ODF2L: variants seen among roughly 807,000 people sequenced by gnomAD.
The protein encoded by ODF2L is outer dense fiber of sperm tails 2 like.
In ODF2L, 76 loss-of-function variants were observed where a neutral mutation model predicts 86.3. The ratio of observed to expected loss-of-function variants is 0.88; its 90% confidence interval spans 0.73 to 1.07. ODF2L has a LOEUF of 1.07. Among genes scored for constraint, ODF2L ranks in the 50% least tolerant of loss-of-function variants. The pLI is 0.00. For missense variants in ODF2L, 748 were observed against 717.4 expected, an observed-to-expected ratio of 1.04 and a Z score of -0.49; for synonymous variants, 241 against 231.3, an observed-to-expected ratio of 1.04 and a Z score of -0.38.
intron 1 of ODF2L, among the ~76,000 whole-genome samples, chr1:86,391,276 C>A (rs962404673): frequency 2.0e-5 from 3 of 152,112 alleles, no homozygotes; most frequent in Non-Finnish European, 4.4e-5. Flanking sequence ...AAGCAATCTA[C>A]AATTTCAATG....
downstream of ODF2L, chr1:86,348,964 C>T: frequency 1.5e-6 from 2 of 1,318,972 alleles, no homozygotes; most frequent in Non-Finnish European, 1.0e-6. Context: ...AACATATATA[C>T]AATAACTAGA....
chr1:86,378,436 C>T (rs1024569125), intron 7 of ODF2L, among the ~76,000 whole-genome samples: 49 of 152,262 alleles, frequency 3.2e-4, no homozygotes, highest in African/African-American at 1.2e-3. Flanking sequence ...AAGTCATTTC[C>T]ACATTTTTGG....
At chr1:86,366,232 C>T (rs190819753) in intron 11 of ODF2L, among the ~76,000 whole-genome samples, 1 of 151,832 alleles carries the variant, frequency 6.6e-6, no homozygotes, top group East Asian at 1.9e-4. Flanking sequence ...CGAGAGAGAT[C>T]TAAAATTTTT....
intron 8 of ODF2L, among the ~76,000 whole-genome samples, chr1:86,373,945 C>A (rs1323449382): frequency 6.6e-6 from 1 of 152,170 alleles, no homozygotes; most frequent in African/African-American, 2.4e-5. Flanking sequence ...TGGAGCACAG[C>A]AAACACTCAA....
chr1:86,361,532 A>G (rs1053647485), intron 11 of ODF2L, among the ~76,000 whole-genome samples: 5 of 152,228 alleles, frequency 3.3e-5, no homozygotes, highest in African/African-American at 1.2e-4. Context: ...AGCACTCTCA[A>G]GAGAAGCCAT....
exon 1 of ODF2L, chr1:86,396,261 C>A (rs1661737386): frequency 6.6e-6 from 1 of 152,380 alleles, no homozygotes; most frequent in Non-Finnish European, 1.5e-5. Flanking sequence ...ACCTGCTTGC[C>A]GCAGAAGAGT....
chr1:86,352,287 C>T (rs1295762200), intron 17 of ODF2L: 29 of 1,381,056 alleles, frequency 2.1e-5, no homozygotes, highest in Non-Finnish European at 2.6e-5. Flanking sequence ...ATGAGTAATG[C>T]TAGCTTTCAG....
downstream of ODF2L, chr1:86,347,403 TAAAG>T (rs964847345): frequency 6.6e-6 from 1 of 152,072 alleles, no homozygotes; most frequent in Non-Finnish European, 1.5e-5. Flanking sequence ...CATTAGGAGG[TAAAG>T]AAAGGGCTGC....
intron 11 of ODF2L, among the ~76,000 whole-genome samples, chr1:86,365,578 G>A (rs2100935664): frequency 6.6e-6 from 1 of 152,250 alleles, no homozygotes; most frequent in African/African-American, 2.4e-5. Flanking sequence ...TTCTGCTGGA[G>A]AACTAAACAC....
rs200376282 is a variant in ODF2L, at chr1:86,357,350, A to ATT, written c.1360-750_1360-749dup. On this transcript the variant is annotated intron_variant, in intron 13 of 17. Coordinates refer to ENST00000317336, the Ensembl canonical transcript of ODF2L. ...TCTTGATCAGGAAAGATAATGCAGT[A>ATT]TTTTTTTTTTTTTGCAAAATTAAAA... is the stretch of plus-strand genomic sequence containing the variant. Among the ~76,000 whole-genome samples, 12 of 144,016 alleles carry ATT rather than the reference A, an allele frequency of 8.3e-5. No homozygotes were observed. The South Asian group carries it at 1.1e-3, about 13-fold the overall frequency. The allele number at this position is 144,016 out of a possible 152,430, so 94.5% of individuals were successfully genotyped here. A position where few individuals can be genotyped will look rare whatever the true frequency, so the allele number is the denominator to read the frequency against.
intron 2 of ODF2L, chr1:86,386,266 G>A (rs890120403): frequency 2.0e-5 from 3 of 152,074 alleles, no homozygotes; most frequent in Non-Finnish European, 4.4e-5. Context: ...TATACCAAAT[G>A]ACAGTGATTT....
At chr1:86,358,809 G>A (rs764658574) in exon 13 of ODF2L, 11 of 1,471,978 alleles carry the variant, frequency 7.5e-6, no homozygotes, top group Non-Finnish European at 1.0e-5. Context: ...TTTATTTTTG[G>A]TTTTTGTTAT....
In ODF2L at chr1:86,358,853, G is replaced by T. The variant is rs748151720; in HGVS notation, c.1293C>A (p.Ser431Arg). 2.6e-6 allele frequency: 4 copies of T among 1,546,852 alleles called. No homozygotes were observed. In the African/African-American group the frequency reaches 4.1e-5, roughly 16 times the overall value. Reference sequence around the variant, plus strand: ...TTTTATGTAGCAAATTTTCACATCTGCTTTTTACTATTTCAGCTGCTTCTT... The same window carrying T: ...TTTTATGTAGCAAATTTTCACATCTTCTTTTTACTATTTCAGCTGCTTCTT... The change falls in exon 13 of 18, where the codon AGC becomes AGA. Residue 431 changes from serine (S) to arginine (R), a missense_variant. Transcript: ENST00000317336.
At chr1:86,357,307 C>G (rs2100790864) in intron 13 of ODF2L, among the ~76,000 whole-genome samples, 1 of 151,414 alleles carries the variant, frequency 6.6e-6, no homozygotes, top group African/African-American at 2.4e-5. Context: ...CTAATAGTTT[C>G]TGTGTAGTAT....
At chr1:86,390,009 A>G (rs1231878957) in intron 1 of ODF2L, among the ~76,000 whole-genome samples, 2 of 152,214 alleles carry the variant, frequency 1.3e-5, no homozygotes, top group African/African-American at 2.4e-5. Flanking sequence ...AAGATACAGA[A>G]AGAGAGAATC....
intron 8 of ODF2L, among the ~76,000 whole-genome samples, chr1:86,373,678 C>A (rs1659971474): frequency 2.0e-5 from 3 of 151,980 alleles, no homozygotes; most frequent in African/African-American, 4.8e-5. Context: ...GAGGAGAAAG[C>A]CCCTGTGATA....
At chr1:86,360,749 T>C (rs1658975093) in intron 11 of ODF2L, 1 of 299,494 alleles carries the variant, frequency 3.3e-6, no homozygotes, top group Non-Finnish European at 6.0e-6. Context: ...GGACATATTA[T>C]TTTTAAAACT....
chr1:86,353,021 TC>T, intron 16 of ODF2L, 37 bp from the exon 16 acceptor site: 12 of 1,328,552 alleles, frequency 9.0e-6, no homozygotes, highest in Non-Finnish European at 1.2e-5. Context: ...TAAAGTGCTT[TC>T]TTTAAAATAT....
chr1:86,395,241 G>A (rs1661648958), intron 1 of ODF2L, among the ~76,000 whole-genome samples: 1 of 152,180 alleles, frequency 6.6e-6, no homozygotes, highest in Non-Finnish European at 1.5e-5. Context: ...GCGTGATGAG[G>A]AAACTGTCTT....
Sources: allele counts gnomAD v4.1 joint callset (sites outside exome capture counted in the v4.1 genomes callset), GRCh38; gene constraint gnomAD v4.1.1; transcripts MANE v1.5; gene names NCBI Gene and HGNC (gene_info 2026-07-23, HGNC 2026-07-21).